SPTLC1: variants seen among roughly 807,000 people sequenced by gnomAD.
SPTLC1 encodes the protein serine palmitoyltransferase 1.
A neutral mutation model predicts 68.9 loss-of-function variants in SPTLC1; 55 were observed. The ratio of observed to expected loss-of-function variants is 0.80; its 90% confidence interval spans 0.64 to 1.00. SPTLC1 has a LOEUF of 1.00. SPTLC1 is among the 50% of genes least tolerant of loss of function. SPTLC1 has a pLI of 0.00. For synonymous variants in SPTLC1, 197 were observed against 201.6 expected (o/e 0.98, Z 0.19); for missense variants, 449 against 573.1 (o/e 0.78, Z 2.21).
At chr9:92,048,858 A>G (rs1833607348) in intron 9 of SPTLC1, among the ~76,000 whole-genome samples, 2 of 152,204 alleles carry the variant, frequency 1.3e-5, no homozygotes, top group South Asian at 2.1e-4. Flanking sequence ...GGATCCAAAT[A>G]AAGCCCGTAC....
intron 2 of SPTLC1, chr9:92,110,265 A>G (rs1258815105): frequency 6.6e-6 from 1 of 152,208 alleles, no homozygotes; most frequent in Non-Finnish European, 1.5e-5. Flanking sequence ...TACATAGAAA[A>G]ATCCAGCCTT....
chr9:92,069,756 T>C (rs781237916), intron 5 of SPTLC1, among the ~76,000 whole-genome samples: 1 of 152,154 alleles, frequency 6.6e-6, no homozygotes, highest in African/African-American at 2.4e-5. Flanking sequence ...TGCTTCTAAT[T>C]GAAAGTATCT....
intron 13 of SPTLC1, among the ~76,000 whole-genome samples, chr9:92,035,830 C>T (rs1833122476): frequency 6.6e-6 from 1 of 152,352 alleles, no homozygotes; most frequent in South Asian, 2.1e-4. Context: ...CAGCCTCCCG[C>T]TGACTCTAGG....
chr9:92,048,053 A>C (rs1265045929), intron 9 of SPTLC1, among the ~76,000 whole-genome samples: 2 of 152,214 alleles, frequency 1.3e-5, no homozygotes, highest in African/African-American at 4.8e-5. Context: ...TCCTCGCTAA[A>C]ACAGTGGTCT....
rs77924303 is a variant in SPTLC1, at chr9:92,066,381, C to T, written c.560+1585G>A. Among the ~76,000 whole-genome samples, 28 of 152,266 alleles carry T rather than the reference C, an allele frequency of 1.8e-4. No individual in the cohort carries two copies. The East Asian group carries it at 5.4e-3, about 29-fold the overall frequency. ...GTCCACATGCAGCAGGGGTCTTGAC[C>T]TGCTCTGAGGTGTGGGACGGCCTCC... On this transcript the variant is annotated intron_variant, in intron 6 of 14. Transcript: ENST00000262554.
intron 8 of SPTLC1, 71 bp downstream of exon 8, chr9:92,055,334 C>A: frequency 6.2e-7 from 1 of 1,603,756 alleles, no homozygotes; most frequent in Non-Finnish European, 8.5e-7. Context: ...ACACTAAAAG[C>A]GGTCATAAAC....
At chr9:92,095,568 C>T (rs539868531) in intron 3 of SPTLC1, among the ~76,000 whole-genome samples, 33 of 152,164 alleles carry the variant, frequency 2.2e-4, no homozygotes, top group Non-Finnish European at 4.3e-4. Context: ...CTCTACCTCT[C>T]TTTACTGACC....
In SPTLC1 at chr9:92,112,581, CAAGT is replaced by C. The variant is rs760650564; in HGVS notation, c.58-23_58-20del. On this transcript the variant is annotated intron_variant, in intron 1 of 14. Coordinates refer to ENST00000262554, the MANE Select transcript of SPTLC1 (RefSeq NM_006415.4). ...CAGGAGCCTAAGAGTGAGTCAAAAA[CAAGT>C]AAGATATGAAACATACACTTCTAAC... The C allele has an allele frequency of 1.0e-5, 15 of 1,506,294 alleles. No individual in the cohort carries two copies. The Admixed American group carries it at 1.7e-4, about 17-fold the overall frequency. 93.3% of individuals were successfully genotyped at this position (1,506,294 alleles called of 1,614,324 possible).
intron 8 of SPTLC1, 73 bp from the exon 9 acceptor site, chr9:92,050,140 G>T (rs969851284): frequency 3.1e-6 from 3 of 977,636 alleles, no homozygotes; most frequent in Non-Finnish European, 3.3e-6. Context: ...AAAAAATTAA[G>T]ATTAAAAAGT....
At chr9:92,109,523 A>G (rs765394468) in intron 2 of SPTLC1, 1 of 152,182 alleles carries the variant, frequency 6.6e-6, no homozygotes, top group Non-Finnish European at 1.5e-5. Context: ...TTAGGAGTCT[A>G]TTTCACCCTT....
intron 9 of SPTLC1, among the ~76,000 whole-genome samples, chr9:92,049,347 C>T (rs1057284974): frequency 6.6e-6 from 1 of 152,144 alleles, no homozygotes; most frequent in African/African-American, 2.4e-5. Flanking sequence ...CTTCCTCTGC[C>T]CTGAGGCTCC....
intron 7 of SPTLC1, among the ~76,000 whole-genome samples, chr9:92,056,651 C>G (rs1001705499): frequency 3.9e-5 from 6 of 152,208 alleles, no homozygotes; most frequent in African/African-American, 1.4e-4. Context: ...CTGAGATCCA[C>G]AGATAGAGTT....
At chr9:92,084,556 T>G (rs1390806670) in intron 3 of SPTLC1, among the ~76,000 whole-genome samples, 7 of 152,208 alleles carry the variant, frequency 4.6e-5, no homozygotes, top group African/African-American at 1.7e-4. Context: ...TTGATTTGCA[T>G]ATATTGAACC....
chr9:92,097,828 G>T (rs972238358), intron 3 of SPTLC1, among the ~76,000 whole-genome samples: 1 of 152,030 alleles, frequency 6.6e-6, no homozygotes, highest in African/African-American at 2.4e-5. Flanking sequence ...TATAGATTAC[G>T]TATCAATACA....
At chr9:92,105,655 G>A (rs1031762595) in intron 3 of SPTLC1, among the ~76,000 whole-genome samples, 1 of 150,152 alleles carries the variant, frequency 6.7e-6, no homozygotes, top group Non-Finnish European at 1.5e-5. Flanking sequence ...GCACCGTCTG[G>A]GCAGTGAGGA....
intron 3 of SPTLC1, chr9:92,104,915 G>A (rs147565708): frequency 0.053 from 82,022 of 1,534,280 alleles, 2,530 homozygotes; most frequent in Middle Eastern, 0.081. Flanking sequence ...GGGCCATGGA[G>A]TCGCCAGTTC....
chr9:92,066,369 AG>A (rs1428334726), intron 6 of SPTLC1, among the ~76,000 whole-genome samples: 1 of 152,214 alleles, frequency 6.6e-6, no homozygotes, highest in Non-Finnish European at 1.5e-5. Context: ...CACATGCAGC[AG>A]GGGTCTTGAC....
chr9:92,035,567 A>T (rs2118352473), intron 13 of SPTLC1, among the ~76,000 whole-genome samples: 1 of 152,308 alleles, frequency 6.6e-6, no homozygotes, highest in Admixed American at 6.5e-5. Context: ...AAAGTTTTGG[A>T]ATGAGATAGT....
At chr9:92,055,199 C>T (rs775779980) in intron 8 of SPTLC1, 215 of 984,720 alleles carry the variant, frequency 2.2e-4, no homozygotes, top group Non-Finnish European at 2.4e-4. Flanking sequence ...GCACTCCAGC[C>T]TGGGCAACAG....
Sources: allele counts gnomAD v4.1 joint callset (sites outside exome capture counted in the v4.1 genomes callset), GRCh38; gene constraint gnomAD v4.1.1; transcripts MANE v1.5; gene names NCBI Gene and HGNC (gene_info 2026-07-23, HGNC 2026-07-21).